FGF12: variants seen among roughly 807,000 people sequenced by gnomAD.
FGF12 encodes fibroblast growth factor 12, also known as fibroblast growth factor 12B.
A neutral mutation model predicts 23.6 loss-of-function variants in FGF12; 14 were observed. The ratio of observed to expected loss-of-function variants is 0.59; its 90% confidence interval spans 0.39 to 0.93. The LOEUF (loss-of-function observed/expected upper bound fraction) is 0.93. Ranked by LOEUF, FGF12 falls within the 40% of genes least tolerant of loss-of-function variation. The pLI is 0.00. For synonymous variants in FGF12, 62 were observed against 77.3 expected (o/e 0.80, Z 1.04); for missense variants, 175 against 217.8 (o/e 0.80, Z 1.24).
At chr3:192,440,160 T>C (rs1278218889) in intron 2 of FGF12, among the ~76,000 whole-genome samples, 1 of 152,004 alleles carries the variant, frequency 6.6e-6, no homozygotes, top group Non-Finnish European at 1.5e-5. Context: ...GAGGAAGTTA[T>C]TTTTCAAAGA....
chr3:192,483,163 T>C (rs1287510381), intron 2 of FGF12, among the ~76,000 whole-genome samples: 1 of 152,184 alleles, frequency 6.6e-6, no homozygotes, highest in Admixed American at 6.5e-5. Context: ...TGGCTCTTGT[T>C]ATTCCTCCTT....
At chr3:192,393,365 G>A (rs1353201649) in intron 2 of FGF12, among the ~76,000 whole-genome samples, 1 of 152,114 alleles carries the variant, frequency 6.6e-6, no homozygotes, top group African/African-American at 2.4e-5. Context: ...AATCCTATAG[G>A]AGCCCTCCAA....
At chr3:192,430,573 T>C (rs987103921) in intron 2 of FGF12, among the ~76,000 whole-genome samples, 7 of 152,246 alleles carry the variant, frequency 4.6e-5, no homozygotes, top group African/African-American at 1.7e-4. Context: ...TATTTCAACC[T>C]CACCCCTGCC....
intron 4 of FGF12, among the ~76,000 whole-genome samples, chr3:192,313,801 C>T (rs1405786287): frequency 6.6e-6 from 1 of 151,930 alleles, no homozygotes; most frequent in African/African-American, 2.4e-5. Context: ...TCTTTCTTGC[C>T]CTAAAGTCTT....
intron 2 of FGF12, among the ~76,000 whole-genome samples, chr3:192,438,298 A>C (rs1419679238): frequency 6.6e-6 from 1 of 152,192 alleles, no homozygotes; most frequent in African/African-American, 2.4e-5. Context: ...CTTACCTCTC[A>C]TCCAGATGTT....
chr3:192,480,040 G>A (rs939979270), intron 2 of FGF12, among the ~76,000 whole-genome samples: 23 of 152,048 alleles, frequency 1.5e-4, no homozygotes, highest in African/African-American at 5.3e-4. Context: ...CCATGCAGAT[G>A]ATGAAAAGAT....
chr3:192,269,276 A>T lies in FGF12; in HGVS notation c.228+66085T>A, dbSNP rs142544435. 4.9e-3 allele frequency among the ~76,000 whole-genome samples: 750 copies of T among 152,298 alleles called. 5 individuals are homozygous for T. The highest frequency in any genetic ancestry group is 0.017 in the Middle Eastern group (5 of 292). Reference sequence around the variant, plus strand: ...CCCACTAGAACATAAAAGAAAATTTAAAAAAATGCCTCTCTTCCAAATTTC... The same window carrying T: ...CCCACTAGAACATAAAAGAAAATTTTAAAAAATGCCTCTCTTCCAAATTTC... On this transcript the variant is annotated intron_variant, in intron 4 of 5. Transcript: ENST00000445105.
chr3:192,262,544 C>T (rs1395494982), intron 4 of FGF12, among the ~76,000 whole-genome samples: 3 of 151,966 alleles, frequency 2.0e-5, no homozygotes, highest in Non-Finnish European at 4.4e-5. Flanking sequence ...ATATTTTTAC[C>T]GTACCTTTCT....
intron 2 of FGF12, among the ~76,000 whole-genome samples, chr3:192,496,876 T>G: frequency 6.6e-6 from 1 of 152,240 alleles, no homozygotes; most frequent in Non-Finnish European, 1.5e-5. Flanking sequence ...TTCTGGGTTT[T>G]TGGTAGGATT....
intron 4 of FGF12, among the ~76,000 whole-genome samples, chr3:192,212,477 G>T (rs1717984140): frequency 6.6e-6 from 1 of 152,118 alleles, no homozygotes; most frequent in African/African-American, 2.4e-5. Flanking sequence ...TTGTTATTTA[G>T]AAGATGGTAG....
chr3:192,492,845 G>A (rs1435508800), intron 2 of FGF12, among the ~76,000 whole-genome samples: 1 of 151,726 alleles, frequency 6.6e-6, no homozygotes, highest in African/African-American at 2.4e-5. Flanking sequence ...CTCTGGGTCA[G>A]TTCCAAAATT....
rs1374825441 is a variant in FGF12 at position 192,246,850 on chromosome 3, G to A, written c.229-76194C>T. On this transcript the variant is annotated intron_variant, in intron 4 of 5. Transcript: ENST00000445105. ...AAAAAAAAAAAAAAGGAGAGAGAGA[G>A]AGGAAAGAGAGAGAGAGAGAAAGAA... Among the ~76,000 whole-genome samples, 5 of 146,644 alleles carry A rather than the reference G, an allele frequency of 3.4e-5. No individual in the cohort carries two copies. The East Asian group carries it at 6.0e-4, about 17-fold the overall frequency.
intron 2 of FGF12, among the ~76,000 whole-genome samples, chr3:192,499,794 C>T (rs778559943): frequency 3.3e-5 from 5 of 151,448 alleles, no homozygotes; most frequent in South Asian, 4.2e-4. Flanking sequence ...GTGATCCGCC[C>T]GCCTCAGCCT....
chr3:192,559,068 TAC>T (rs963583296), intron 2 of FGF12, among the ~76,000 whole-genome samples: 8 of 151,640 alleles, frequency 5.3e-5, no homozygotes, highest in African/African-American at 1.7e-4. Flanking sequence ...ACGCTGAAAA[TAC>T]AGACAACAAA....
At chr3:192,449,529 T>C (rs1489304613) in intron 2 of FGF12, among the ~76,000 whole-genome samples, 1 of 152,186 alleles carries the variant, frequency 6.6e-6, no homozygotes, top group South Asian at 2.1e-4. Context: ...GCAGGGCTTA[T>C]GCATTCTTAA....
chr3:192,541,773 T>C (rs1725371569), intron 2 of FGF12, among the ~76,000 whole-genome samples: 1 of 152,140 alleles, frequency 6.6e-6, no homozygotes, highest in African/African-American at 2.4e-5. Context: ...CCTTCATGCT[T>C]GAAGGAGAAT....
chr3:192,403,435 C>T (rs1363656400), intron 2 of FGF12, among the ~76,000 whole-genome samples: 1 of 151,928 alleles, frequency 6.6e-6, no homozygotes, highest in African/African-American at 2.4e-5. Flanking sequence ...ACAATGGAAA[C>T]ATAATTTGTT....
chr3:192,711,494 G>T (rs1020717895), intron 2 of FGF12, among the ~76,000 whole-genome samples: 5 of 152,326 alleles, frequency 3.3e-5, no homozygotes, highest in South Asian at 2.1e-4. Context: ...TGGCGGTTTT[G>T]TCGAATAGAA....
chr3:192,341,564 T>G (rs1377466052), intron 3 of FGF12, among the ~76,000 whole-genome samples: 1 of 152,202 alleles, frequency 6.6e-6, no homozygotes, highest in Non-Finnish European at 1.5e-5. Context: ...GCATCTAATT[T>G]TCATTTCATT....
Sources: gnomAD v4.1 joint callset for allele counts (sites outside exome capture counted in the v4.1 genomes callset) on GRCh38, gnomAD v4.1.1 for gene constraint, MANE v1.5 for transcripts, NCBI Gene and HGNC (gene_info 2026-07-23, HGNC 2026-07-21) for gene names.